RARB: variants seen among roughly 807,000 people sequenced by gnomAD.
RARB encodes HBV-activated protein.
In RARB, 17 loss-of-function variants were observed where a neutral mutation model predicts 51.9. That is an observed-to-expected ratio of 0.33 (90% CI 0.22 to 0.49). RARB has a LOEUF of 0.49. Ranked by LOEUF, RARB falls within the 20% of genes least tolerant of loss-of-function variation. The pLI is 0.99. For missense variants in RARB, 369 were observed against 550.8 expected, an observed-to-expected ratio of 0.67 and a Z score of 3.30; for synonymous variants, 215 against 195.4, an observed-to-expected ratio of 1.10 and a Z score of -0.84.
At chr3:24,864,350 G>A (rs1008143053) in intron 2 of RARB, among the ~76,000 whole-genome samples, 9 of 152,108 alleles carry the variant, frequency 5.9e-5, no homozygotes, top group Admixed American at 3.3e-4. Context: ...GTTCCTTTGC[G>A]TTTTTTCTTC....
chr3:25,400,053 A>T (rs1386814022), intron 5 of RARB, among the ~76,000 whole-genome samples: 1 of 152,204 alleles, frequency 6.6e-6, no homozygotes, highest in African/African-American at 2.4e-5. Context: ...GCTTAGAATA[A>T]TGCCAGGCAT....
chr3:25,155,100 T>A (rs973963506), intron 4 of RARB, among the ~76,000 whole-genome samples: 1 of 152,236 alleles, frequency 6.6e-6, no homozygotes, highest in Non-Finnish European at 1.5e-5. Context: ...TTATCACTAT[T>A]CTCTTTCCGT....
intron 2 of RARB, among the ~76,000 whole-genome samples, chr3:24,916,636 A>T (rs1695112350): frequency 6.6e-6 from 1 of 152,182 alleles, no homozygotes; most frequent in Non-Finnish European, 1.5e-5. Flanking sequence ...GAGAAACTGG[A>T]AATCTTCTGT....
At chr3:25,078,361 T>C (rs998077752) in intron 3 of RARB, among the ~76,000 whole-genome samples, 3 of 152,150 alleles carry the variant, frequency 2.0e-5, no homozygotes, top group Non-Finnish European at 4.4e-5. Context: ...ATCTGATGAA[T>C]AGATTTTCAT....
chr3:25,148,847 C>T (rs1387193173), intron 4 of RARB, among the ~76,000 whole-genome samples: 1 of 152,172 alleles, frequency 6.6e-6, no homozygotes, highest in African/African-American at 2.4e-5. Context: ...GATGTCTACC[C>T]ATGCACAGCC....
intron 5 of RARB, among the ~76,000 whole-genome samples, chr3:25,392,818 A>G (rs898697237): frequency 1.3e-5 from 2 of 152,136 alleles, no homozygotes; most frequent in African/African-American, 4.8e-5. Flanking sequence ...TAGGTATACA[A>G]TCATCTCATT....
intron 3 of RARB, among the ~76,000 whole-genome samples, chr3:25,131,004 T>TCAA (rs1575174504): frequency 3.5e-5 from 1 of 28,586 alleles, no homozygotes; most frequent in African/African-American, 1.5e-4. Flanking sequence ...TATTTATTTA[T>TCAA]TATTTATCAA....
chr3:25,494,253 G>GCACACACGCACACACACACACACACACA (rs757972807), intron 2 of RARB, among the ~76,000 whole-genome samples: 7 of 131,852 alleles, frequency 5.3e-5, no homozygotes, highest in African/African-American at 1.8e-4. Flanking sequence ...TGTATCTTAC[G>GCACACACGCACACACACACACACACACA]CACACACACA....
At chr3:25,244,784 T>C (rs1333288044) in intron 5 of RARB, among the ~76,000 whole-genome samples, 1 of 152,194 alleles carries the variant, frequency 6.6e-6, no homozygotes, top group African/African-American at 2.4e-5. Flanking sequence ...AGCATGTATA[T>C]TGTGTTGATT....
intron 3 of RARB, among the ~76,000 whole-genome samples, chr3:25,545,558 C>A (rs552735645): frequency 1.3e-5 from 2 of 152,332 alleles, no homozygotes; most frequent in East Asian, 1.9e-4. Flanking sequence ...CTCATTCCCT[C>A]CGTGCCCCTG....
At chr3:24,976,602 C>T (rs959423131) in intron 2 of RARB, among the ~76,000 whole-genome samples, 1 of 152,048 alleles carries the variant, frequency 6.6e-6, no homozygotes, top group South Asian at 2.1e-4. Flanking sequence ...CCTTTGTCCA[C>T]TTTTTGAAGG....
intron 2 of RARB, 85 bp downstream of exon 2, chr3:25,461,426 T>C (rs1279020456): frequency 6.8e-7 from 1 of 1,464,280 alleles, no homozygotes; most frequent in East Asian, 2.3e-5. Flanking sequence ...AAAAATGGGC[T>C]GGATGTGTAA....
chr3:24,840,033 C>A (rs1157797324), intron 1 of RARB, among the ~76,000 whole-genome samples: 2 of 152,274 alleles, frequency 1.3e-5, no homozygotes, highest in East Asian at 3.9e-4. Flanking sequence ...GGCTCTACCA[C>A]TCACCAGATA....
intron 2 of RARB, among the ~76,000 whole-genome samples, chr3:25,480,628 A>G (rs2125581031): frequency 6.6e-6 from 1 of 152,350 alleles, no homozygotes; most frequent in African/African-American, 2.4e-5. Context: ...GTGTTTAGAT[A>G]AAAAGATACC....
At chr3:25,273,086 C>A (rs1163537263) in intron 5 of RARB, among the ~76,000 whole-genome samples, 9 of 152,156 alleles carry the variant, frequency 5.9e-5, no homozygotes, top group Non-Finnish European at 1.2e-4. Flanking sequence ...CCTGAGCCTA[C>A]ACAAATAGCC....
chr3:25,066,404 G>A (rs974715089), intron 3 of RARB, among the ~76,000 whole-genome samples: 1 of 152,132 alleles, frequency 6.6e-6, no homozygotes, highest in Non-Finnish European at 1.5e-5. Flanking sequence ...TAATATTTGA[G>A]AATCAGGAGT....
intron 2 of RARB, among the ~76,000 whole-genome samples, chr3:24,909,292 C>G (rs149903080): frequency 6.6e-6 from 1 of 152,182 alleles, no homozygotes; most frequent in African/African-American, 2.4e-5. Flanking sequence ...TCATTGAGCA[C>G]CTACTATATT....
intron 4 of RARB, among the ~76,000 whole-genome samples, chr3:25,571,168 A>G (rs1426490087): frequency 6.6e-6 from 1 of 152,240 alleles, no homozygotes; most frequent in African/African-American, 2.4e-5. Context: ...GCTGGCACCC[A>G]CCTTAAACAG....
chr3:25,032,140 A>G (rs763506423), intron 2 of RARB, among the ~76,000 whole-genome samples: 4 of 152,210 alleles, frequency 2.6e-5, no homozygotes, highest in Non-Finnish European at 4.4e-5. Flanking sequence ...TCATAAATTT[A>G]CTAATTGTTT....
Sources: gnomAD v4.1 joint callset for allele counts (sites outside exome capture counted in the v4.1 genomes callset) on GRCh38, gnomAD v4.1.1 for gene constraint, MANE v1.5 for transcripts, NCBI Gene and HGNC (gene_info 2026-07-23, HGNC 2026-07-21) for gene names.